Variants in CUX1 observed in about 807,000 individuals in gnomAD.
CUX1 encodes protein CASP.
Under a neutral mutation model 158.8 loss-of-function variants are expected in CUX1, and 31 were observed. The observed-to-expected ratio is 0.20, with a 90% CI of 0.15 to 0.26. The LOEUF (loss-of-function observed/expected upper bound fraction) is 0.26, where lower values mean the gene tolerates loss of function less well. Among genes scored for constraint, CUX1 ranks in the 10% least tolerant of loss-of-function variants. The pLI is 1.00. For missense variants in CUX1, 1,589 were observed against 2,014.6 expected (o/e 0.79, Z 4.04); for synonymous variants, 879 against 862.1 (o/e 1.02, Z -0.34).
At chr7:101,978,175 G>A (rs1812955555) in intron 2 of CUX1, among the ~76,000 whole-genome samples, 1 of 152,104 alleles carries the variant, frequency 6.6e-6, no homozygotes, top group South Asian at 2.1e-4. Flanking sequence ...CAGAAGGATG[G>A]CGTCTATATT....
At chr7:101,876,467 C>G (rs1440750085) in intron 1 of CUX1, among the ~76,000 whole-genome samples, 2 of 151,920 alleles carry the variant, frequency 1.3e-5, no homozygotes, top group East Asian at 2.0e-4. Context: ...GAGGCCAAGG[C>G]AGGCGGATCA....
chr7:102,282,786 C>A (rs1478506073), intron 22 of CUX1: 4 of 1,608,364 alleles, frequency 2.5e-6, no homozygotes, highest in African/African-American at 2.7e-5. Flanking sequence ...AGTGAGGACC[C>A]CCACTTGGGC....
At position 101,849,912 on chromosome 7, in the gene CUX1, A is replaced by ATTTT. The variant is rs71106570; in HGVS notation, c.30+32266_30+32269dup. On this transcript the variant is annotated intron_variant, in intron 1 of 23. Transcript: ENST00000292535. The stretch of plus-strand genomic sequence containing the variant: ...AGACAGTATCTCATTGTCTCATGCA[A>ATTTT]TTTTTTTTTTTTTTTTTTTTTTTTT... Among the ~76,000 whole-genome samples, 12 of 124,304 alleles carry ATTTT rather than the reference A, an allele frequency of 9.7e-5. No individual in the cohort carries two copies. In the East Asian group the frequency reaches 1.6e-3, roughly 17 times the overall value. 81.5% of individuals were successfully genotyped at this position (124,304 alleles called of 152,430 possible). A position where few individuals can be genotyped will look rare whatever the true frequency, so the allele number is the denominator to read the frequency against.
chr7:102,156,188 T>G (rs1297472211), intron 8 of CUX1, among the ~76,000 whole-genome samples: 1 of 152,154 alleles, frequency 6.6e-6, no homozygotes, highest in African/African-American at 2.4e-5. Flanking sequence ...AGACAGTTTT[T>G]CCAACTCTCA....
At chr7:102,274,724 G>C (rs532131816) in intron 16 of CUX1, among the ~76,000 whole-genome samples, 1 of 152,368 alleles carries the variant, frequency 6.6e-6, no homozygotes, top group Non-Finnish European at 1.5e-5. Flanking sequence ...CCTGTGAAAG[G>C]CTGGTGAGTG....
intron 1 of CUX1, among the ~76,000 whole-genome samples, chr7:101,828,148 A>G (rs1793595922): frequency 1.3e-5 from 2 of 151,634 alleles, no homozygotes; most frequent in African/African-American, 4.9e-5. Flanking sequence ...GCTAATTTTT[A>G]TAGTAGAGAT....
intron 1 of CUX1, among the ~76,000 whole-genome samples, chr7:101,832,144 G>A (rs140916055): frequency 4.7e-4 from 72 of 152,282 alleles, no homozygotes; most frequent in African/African-American, 1.6e-3. Flanking sequence ...GAGTGAGGAG[G>A]GAGGGGTGAT....
chr7:102,063,690 G>C, intron 3 of CUX1, among the ~76,000 whole-genome samples: 1 of 152,054 alleles, frequency 6.6e-6, no homozygotes, highest in East Asian at 1.9e-4. Context: ...ACCGTGCCTT[G>C]TCAAGAACCC....
chr7:102,231,799 C>T (rs1367810126), intron 21 of CUX1, among the ~76,000 whole-genome samples: 12 of 151,088 alleles, frequency 7.9e-5, no homozygotes, highest in African/African-American at 2.4e-4. Flanking sequence ...CTGCAAGCTC[C>T]GCCTCCCGGG....
chr7:102,069,188 C>G (rs969537910), intron 3 of CUX1, among the ~76,000 whole-genome samples: 1 of 152,216 alleles, frequency 6.6e-6, no homozygotes, highest in Non-Finnish European at 1.5e-5. Flanking sequence ...CTCTTCCTCC[C>G]TGCCCCCTCC....
chr7:102,211,502 T>G (rs1299630942), intron 20 of CUX1, among the ~76,000 whole-genome samples: 4 of 148,326 alleles, frequency 2.7e-5, no homozygotes, highest in African/African-American at 1.0e-4. Flanking sequence ...GCTTTTCGGC[T>G]GGGCGCAGTG....
chr7:101,943,074 A>G (rs1420113031), intron 2 of CUX1, among the ~76,000 whole-genome samples: 1 of 132,128 alleles, frequency 7.6e-6, no homozygotes, highest in East Asian at 2.2e-4. Context: ...CATCCTGGTC[A>G]GTGCTTTTTT....
At chr7:102,119,838 C>T (rs951097579) in intron 8 of CUX1, among the ~76,000 whole-genome samples, 8 of 152,130 alleles carry the variant, frequency 5.3e-5, no homozygotes, top group East Asian at 1.9e-4. Flanking sequence ...TGAGCCACTA[C>T]GCCTGACATT....
At chr7:101,862,656 G>A (rs554859937) in intron 1 of CUX1, among the ~76,000 whole-genome samples, 4 of 152,030 alleles carry the variant, frequency 2.6e-5, no homozygotes, top group Non-Finnish European at 5.9e-5. Context: ...TTACATCGAG[G>A]GACATATTAA....
intron 20 of CUX1, among the ~76,000 whole-genome samples, chr7:102,216,109 G>A (rs1554524462): frequency 2.0e-5 from 3 of 152,202 alleles, no homozygotes; most frequent in African/African-American, 7.2e-5. Flanking sequence ...TTTGAGACCA[G>A]CCTGGACAAC....
intron 2 of CUX1, among the ~76,000 whole-genome samples, chr7:101,920,848 T>C (rs968109799): frequency 2.6e-5 from 4 of 152,196 alleles, no homozygotes; most frequent in Non-Finnish European, 2.9e-5. Flanking sequence ...CTAGGGTATA[T>C]TGCTTTCTAT....
chr7:102,086,974 G>C (rs1554480701), intron 4 of CUX1, among the ~76,000 whole-genome samples: 3 of 152,040 alleles, frequency 2.0e-5, no homozygotes, highest in Non-Finnish European at 4.4e-5. Context: ...TTCTTTTGAT[G>C]AGAGTTTTTA....
chr7:101,904,461 CAGCTTGTA>C lies in CUX1; in HGVS notation c.31-11651_31-11644del, dbSNP rs1802526859. On this transcript the variant is annotated intron_variant, in intron 1 of 23. Transcript: ENST00000292535. Reference sequence around the variant, plus strand: ...GAATAGCATTTCCATGGAAAGGCCGCAGCTTGTAAGTTTCACTTGAATTTCCGTGATTG... The same window carrying C: ...GAATAGCATTTCCATGGAAAGGCCGCAGTTTCACTTGAATTTCCGTGATTG... Among the ~76,000 whole-genome samples the C allele has an allele frequency of 2.0e-5, 3 of 152,008 alleles. No homozygotes were observed. The South Asian group carries it at 6.2e-4, about 31-fold the overall frequency.
intron 2 of CUX1, among the ~76,000 whole-genome samples, chr7:102,024,122 A>T (rs1819712829): frequency 6.6e-6 from 1 of 152,186 alleles, no homozygotes; most frequent in Non-Finnish European, 1.5e-5. Flanking sequence ...GTTGGGGGTA[A>T]CCCAGGAGCA....
Sources: gnomAD v4.1 joint callset for allele counts (sites outside exome capture counted in the v4.1 genomes callset) on GRCh38, gnomAD v4.1.1 for gene constraint, MANE v1.5 for transcripts, NCBI Gene and HGNC (gene_info 2026-07-23, HGNC 2026-07-21) for gene names.